Variants in PIK3C2B observed in about 807,000 individuals in gnomAD.
PIK3C2B encodes phosphatidylinositol-4-phosphate 3-kinase catalytic subunit type 2 beta, also known as phosphatidylinositol 4-phosphate 3-kinase C2 domain-containing subunit beta.
A neutral mutation model predicts 184.3 loss-of-function variants in PIK3C2B; 83 were observed. The ratio of observed to expected loss-of-function variants is 0.45; its 90% CI spans 0.38 to 0.54. The LOEUF is 0.54. PIK3C2B is among the 20% of genes least tolerant of loss of function. The probability of loss-of-function intolerance (pLI) is 0.00; values close to 1 mark genes in which losing one functional copy is unlikely to be tolerated. For synonymous variants in PIK3C2B, 779 were observed against 837.6 expected (o/e 0.93, Z 1.21); for missense variants, 1,736 against 2,113.5 (o/e 0.82, Z 3.50).
intron 16 of PIK3C2B, among the ~76,000 whole-genome samples, chr1:204,445,439 T>C (rs909675630): frequency 1.1e-4 from 16 of 151,500 alleles, no homozygotes; most frequent in South Asian, 6.2e-4. Flanking sequence ...ACAAAAAAAT[T>C]TTAAAAATTA....
intron 1 of PIK3C2B, among the ~76,000 whole-genome samples, chr1:204,485,172 A>C (rs1011351864): frequency 1.3e-5 from 2 of 151,582 alleles, no homozygotes; most frequent in African/African-American, 4.8e-5. Context: ...CCCCGGTTTC[A>C]CAAGTGGCTG....
intron 28 of PIK3C2B, 156 bp downstream of exon 28, chr1:204,431,513 G>T: frequency 1.2e-6 from 1 of 845,024 alleles, no homozygotes; most frequent in Non-Finnish European, 1.9e-6. Context: ...AGCAGGGGGA[G>T]CACTTGTCAT....
At chr1:204,491,696 G>A (rs1313872081) in intron 1 of PIK3C2B, among the ~76,000 whole-genome samples, 1 of 152,142 alleles carries the variant, frequency 6.6e-6, no homozygotes, top group Non-Finnish European at 1.5e-5. Flanking sequence ...CCACAATTTT[G>A]CTGTCCCTTT....
chr1:204,441,651 C>T (rs964047367), intron 20 of PIK3C2B, 88 bp from the exon 21 acceptor site: 25 of 768,802 alleles, frequency 3.3e-5, no homozygotes, highest in Non-Finnish European at 5.2e-5. Context: ...CAAGATGCTG[C>T]CTCCCCGCTG....
chr1:204,433,755 TAAG>T lies in PIK3C2B; in HGVS notation c.3843+35_3843+37del, dbSNP rs540981250. ...AAGTCTTAAAGATGATGCCAGATAA[TAAG>T]AAGAAGGTATTCGGAAAGGGATGGA... On this transcript the variant is annotated intron_variant, in intron 25 of 32. Transcript: ENST00000684373. This position sits in a 1 kb window ranked among gnomAD's most constrained non-coding sequence, Gnocchi z 5.0. The T allele has an allele frequency of 6.9e-5, 109 of 1,586,786 alleles. No individual in the cohort carries two copies. Among genetic ancestry groups the T allele is most frequent in the Admixed American group, 1.8e-4 (11 of 59,560 alleles).
Position 204,469,352 on chromosome 1 carries a change from A to G in PIK3C2B, c.451T>C (p.Cys151Arg). The G allele has an allele frequency of 6.5e-7, 1 of 1,527,536 alleles. No individual in the cohort carries two copies. The highest frequency in any genetic ancestry group is 2.3e-5 in the East Asian group (1 of 44,196). 94.6% of individuals were successfully genotyped at this position (1,527,536 alleles called of 1,614,324 possible). Reference protein sequence around the residue: ...SPGPGDIEGSCKKLSPPPLPP... With the variant: ...SPGPGDIEGSRKKLSPPPLPP... ...AGAGGAGGTGGGGATAGTTTCTTGC[A>G]AGAGCCCTCTATGTCCCCTGGTCCT... Residue 151 changes from cysteine (C) to arginine (R), a missense_variant, in exon 2 of 33, where the codon TGC becomes CGC. Physicochemically the swap from Cys to Arg is radical, Grantham distance 180. Around this residue, in one of 8 missense-constraint regions of PIK3C2B, gnomAD observed 404 missense variants for 418.0 expected, o/e 0.97. Transcript: ENST00000684373.
Position 204,427,776 on chromosome 1 carries a change from T to C in PIK3C2B, c.4481-22A>G, listed in dbSNP as rs145344093. On this transcript the variant is annotated intron_variant, in intron 30 of 32. Transcript: ENST00000684373. ...CCATCTGTAGGGACAAATGAAACCA[T>C]GAAGGGTCAAGAGGCCAGGCAGGTG... 4.9e-4 allele frequency: 759 copies of C among 1,559,256 alleles called. 2 individuals carry two copies. Among genetic ancestry groups the C allele is most frequent in the Admixed American group, 1.9e-3 (113 of 59,898 alleles).
chr1:204,433,897 C>A lies in PIK3C2B; in HGVS notation c.3739G>T (p.Gly1247Cys). Reference protein sequence around the residue: ...TSDMAYVINGGDKPSSRFHDF... With the variant: ...TSDMAYVINGCDKPSSRFHDF... ...TGGAAGCGGCTGGAAGGCTTGTCAC[C>A]CCCGTTGATGACATACGCCATGTCC... The change falls in exon 25 of 33, where the codon GGT becomes TGT. Residue 1247 changes from glycine to cysteine, a missense_variant. Physicochemically the swap from Gly to Cys is radical, Grantham distance 159. This residue lies in a region of PIK3C2B where 119 missense variants were observed against 179.3 expected (regional missense o/e 0.66). Transcript: ENST00000684373. This position sits in a 1 kb window ranked among gnomAD's most constrained non-coding sequence, Gnocchi z 5.0. 6.2e-7 allele frequency: 1 copy of A among 1,614,002 alleles called. No homozygotes were observed. Among genetic ancestry groups the A allele is most frequent in the Non-Finnish European group, 8.5e-7 (1 of 1,179,948 alleles).
rs749356594 is a variant in PIK3C2B, at chr1:204,433,420, C to T, written c.3849G>A (p.Leu1283=). 6.3e-7 allele frequency: 1 copy of T among 1,582,872 alleles called. No homozygotes were observed. The highest frequency in any genetic ancestry group is 1.1e-5 in the South Asian group (1 of 90,364). Residue 1283 remains leucine (L), a synonymous_variant, in exon 26 of 33, where the codon TTG becomes TTA. Coordinates refer to ENST00000684373, the MANE Select transcript of PIK3C2B (RefSeq NM_001377334.1). This position sits in a 1 kb window ranked among gnomAD's most constrained non-coding sequence, Gnocchi z 5.0. ...CTGAGAGTTCAGGGATCCCACAGGACAACATCTAGAAGGAGCAGAAAGAAG... is the reference window on the plus strand; with the variant it reads ...CTGAGAGTTCAGGGATCCCACAGGATAACATCTAGAAGGAGCAGAAAGAAG... The part of the protein sequence containing the change: ...HLFLNLLGLM[L]SCGIPELSDL...
At chr1:204,459,802 G>A in intron 8 of PIK3C2B, 76 bp downstream of exon 8, 2 of 1,249,040 alleles carry the variant, frequency 1.6e-6, no homozygotes, top group Non-Finnish European at 2.4e-6. Context: ...ATAGTGCTGG[G>A]TGATCCCAGG....
intron 1 of PIK3C2B, among the ~76,000 whole-genome samples, chr1:204,471,898 A>C (rs1187096016): frequency 6.6e-6 from 1 of 152,224 alleles, no homozygotes; most frequent in Non-Finnish European, 1.5e-5. Flanking sequence ...TATATAAAAT[A>C]AAACAAAGCT....
intron 12 of PIK3C2B, 98 bp downstream of exon 12, chr1:204,454,571 A>T (rs1011990302): frequency 1.6e-6 from 2 of 1,249,908 alleles, no homozygotes; most frequent in Non-Finnish European, 1.1e-6. Context: ...GCCTGGTTTT[A>T]TCATTAGTCC....
chr1:204,474,230 A>G (rs1171639353), intron 1 of PIK3C2B, among the ~76,000 whole-genome samples: 2 of 152,020 alleles, frequency 1.3e-5, no homozygotes, highest in Admixed American at 6.5e-5. Context: ...ACCTCAGGTG[A>G]TCCGCCCGCC....
intron 2 of PIK3C2B, among the ~76,000 whole-genome samples, chr1:204,466,025 G>A (rs554251061): frequency 1.3e-5 from 2 of 152,204 alleles, no homozygotes; most frequent in African/African-American, 4.8e-5. Flanking sequence ...CAAAATACGT[G>A]TGTGGTGGTA....
intron 1 of PIK3C2B, among the ~76,000 whole-genome samples, chr1:204,486,040 T>C (rs1657558316): frequency 6.6e-6 from 1 of 152,258 alleles, no homozygotes; most frequent in Non-Finnish European, 1.5e-5. Context: ...ATAAAAATAA[T>C]AGCTTTTATT....
intron 1 of PIK3C2B, among the ~76,000 whole-genome samples, chr1:204,481,849 C>T (rs1386514155): frequency 1.3e-5 from 2 of 152,168 alleles, no homozygotes; most frequent in Non-Finnish European, 2.9e-5. Context: ...CCGTGGGGTC[C>T]CCACAGACCA....
chr1:204,461,319 T>G (rs1655318676), intron 5 of PIK3C2B, among the ~76,000 whole-genome samples: 1 of 152,100 alleles, frequency 6.6e-6, no homozygotes, highest in South Asian at 2.1e-4. Context: ...TGTGTGAGAC[T>G]CCCCCTTTCA....
rs753176809 is a variant in PIK3C2B at position 204,425,665 on chromosome 1, T to G, written c.4664A>C (p.Lys1555Thr). The G allele has an allele frequency of 6.2e-7, 1 of 1,614,122 alleles. No individual in the cohort carries two copies. Among genetic ancestry groups the G allele is most frequent in the Non-Finnish European group, 8.5e-7 (1 of 1,179,980 alleles). The change falls in exon 32 of 33, where the codon AAG becomes ACG. Residue 1555 changes from lysine (K) to threonine (T), a missense_variant. Lys to Thr is a moderately conservative substitution (Grantham distance 78). Coordinates refer to ENST00000684373, the MANE Select transcript of PIK3C2B (RefSeq NM_001377334.1). ...YLLPDPQKTTKRKTKVARKTC... is the reference protein window; with the variant it reads ...YLLPDPQKTTTRKTKVARKTC... ...TTTCCGGGCCACTTTGGTTTTCCTC[T>G]TAGTGGTTTTCTGAGGGTCAGGAAG...
chr1:204,493,928 G>A lies in PIK3C2B; in HGVS notation c.-85+428C>T, dbSNP rs113355353. 8.0e-3 allele frequency among the ~76,000 whole-genome samples: 1,213 copies of A among 152,278 alleles called. 15 individuals are homozygous for A. Among genetic ancestry groups the A allele is most frequent in the African/African-American group, 0.028 (1,154 of 41,550 alleles). ...GTACACATTCCCCAGGCTAGATGCC[G>A]ACTTCTCACCCAGTCCACAGAAGGC... is the stretch of plus-strand genomic sequence containing the variant. On this transcript the variant is annotated intron_variant, in intron 1 of 32. Transcript: ENST00000684373.
Sources: allele counts gnomAD v4.1 joint callset (sites outside exome capture counted in the v4.1 genomes callset), GRCh38; gene constraint gnomAD v4.1.1; regional missense constraint gnomAD v4.1.1; non-coding constraint Gnocchi (gnomAD v3.1); transcripts MANE v1.5; gene names NCBI Gene and HGNC (gene_info 2026-07-23, HGNC 2026-07-21).